TTBK2: variants seen among roughly 807,000 people sequenced by gnomAD.
TTBK2 encodes tau tubulin kinase 2, also known as tau-tubulin kinase 2.
Under a neutral mutation model 110.8 loss-of-function variants are expected in TTBK2, and 28 were observed. That is an observed-to-expected ratio of 0.25 (90% confidence interval 0.19 to 0.35). The LOEUF (loss-of-function observed/expected upper bound fraction) is 0.35, where lower values mean the gene tolerates loss of function less well. TTBK2 is among the 10% of genes least tolerant of loss of function. TTBK2 has a pLI of 1.00. For missense variants in TTBK2, 1,369 were observed against 1,500.3 expected, an observed-to-expected ratio of 0.91 and a Z score of 1.45; for synonymous variants, 532 against 527.3, an observed-to-expected ratio of 1.01 and a Z score of -0.12.
rs115840160 is a variant in TTBK2 at position 42,858,757 on chromosome 15, C to T, written c.217+13854G>A. ...GGGAACCAGTGCCAGAGTAGAAAAA[C>T]CTGAATTGCAACTGACAGATTGCTG... On this transcript the variant is annotated intron_variant, in intron 3 of 14. Transcript: ENST00000267890. Among the ~76,000 whole-genome samples, 765 of 152,176 alleles carry T rather than the reference C, an allele frequency of 5.0e-3. 9 individuals carry two copies. The highest frequency in any genetic ancestry group is 0.018 in the African/African-American group (738 of 41,510).
At chr15:42,796,336 A>G (rs1040213492) in intron 9 of TTBK2, among the ~76,000 whole-genome samples, 1 of 152,008 alleles carries the variant, frequency 6.6e-6, no homozygotes, top group African/African-American at 2.4e-5. Flanking sequence ...CCTGGCAGAG[A>G]CTGCAGTGAG....
At chr15:42,812,684 T>C (rs925819377) in intron 7 of TTBK2, among the ~76,000 whole-genome samples, 6 of 151,976 alleles carry the variant, frequency 3.9e-5, no homozygotes, top group African/African-American at 1.5e-4. Context: ...ATTTCAGAAA[T>C]AGAATTATAG....
chr15:42,845,317 GT>G (rs1358685327), intron 3 of TTBK2, among the ~76,000 whole-genome samples: 1 of 152,082 alleles, frequency 6.6e-6, no homozygotes, highest in African/African-American at 2.4e-5. Context: ...TGGAGGACTG[GT>G]TCCAAGACCT....
chr15:42,818,003 T>C (rs954445165), intron 6 of TTBK2, among the ~76,000 whole-genome samples: 1 of 152,210 alleles, frequency 6.6e-6, no homozygotes, highest in Non-Finnish European at 1.5e-5. Context: ...GCTTTCTTTC[T>C]TTCTTATAAC....
rs760564082 is a variant in TTBK2 at position 42,775,143 on chromosome 15, G to A, written c.1990C>T (p.Leu664Phe). Residue 664 changes from leucine to phenylalanine, a missense_variant, in exon 13 of 15, where the codon CTT becomes TTT. Physicochemically the swap from Leu to Phe is conservative, Grantham distance 22. Transcript: ENST00000267890. ...AAAAACAAATTTCTTACCGCTGTAAGGGGTCCTTCTGCCTGCGCCTCCATT... is the reference window on the plus strand; with the variant it reads ...AAAAACAAATTTCTTACCGCTGTAAAGGGTCCTTCTGCCTGCGCCTCCATT... ...SLMEAQAEGPLTAITIPRPSV... is the reference protein window; with the variant it reads ...SLMEAQAEGPFTAITIPRPSV... 2.5e-6 allele frequency: 4 copies of A among 1,613,478 alleles called. No homozygotes were observed. Among genetic ancestry groups the A allele is most frequent in the African/African-American group, 1.3e-5 (1 of 75,012 alleles).
chr15:42,836,548 T>C (rs1214038873), intron 4 of TTBK2, among the ~76,000 whole-genome samples: 1 of 152,124 alleles, frequency 6.6e-6, no homozygotes, highest in Non-Finnish European at 1.5e-5. Context: ...GCAATTCAAA[T>C]GGAAAAGTTC....
At chr15:42,791,717 C>A (rs1467722549) in intron 10 of TTBK2, among the ~76,000 whole-genome samples, 1 of 152,230 alleles carries the variant, frequency 6.6e-6, no homozygotes, top group Non-Finnish European at 1.5e-5. Flanking sequence ...TGTTTAATCT[C>A]ACTCAGTCCT....
At chr15:42,876,534 T>C (rs1316884864) in intron 2 of TTBK2, among the ~76,000 whole-genome samples, 1 of 152,212 alleles carries the variant, frequency 6.6e-6, no homozygotes, top group African/African-American at 2.4e-5. Flanking sequence ...TTTGGTCAAG[T>C]AAATTTTCAA....
intron 13 of TTBK2, among the ~76,000 whole-genome samples, chr15:42,765,874 GCCA>G (rs1356237158): frequency 1.8e-4 from 27 of 152,066 alleles, no homozygotes; most frequent in Non-Finnish European, 4.4e-5. Flanking sequence ...GAGAGAAAGG[GCCA>G]GGTTACCCAC....
At chr15:42,907,920 A>T (rs888511505) in intron 1 of TTBK2, among the ~76,000 whole-genome samples, 4 of 142,780 alleles carry the variant, frequency 2.8e-5, no homozygotes, top group East Asian at 2.0e-4. Flanking sequence ...AAAAAAAAAA[A>T]ATAATAATAA....
chr15:42,822,806 T>C (rs1892359984), intron 6 of TTBK2, among the ~76,000 whole-genome samples: 1 of 152,080 alleles, frequency 6.6e-6, no homozygotes, highest in Non-Finnish European at 1.5e-5. Flanking sequence ...GACAGAGAGA[T>C]GAGTGAGGAA....
chr15:42,842,872 T>C (rs764491295), intron 3 of TTBK2, among the ~76,000 whole-genome samples: 1 of 152,226 alleles, frequency 6.6e-6, no homozygotes, highest in Non-Finnish European at 1.5e-5. Flanking sequence ...ATGTACACAG[T>C]ACATGTTGAT....
At chr15:42,772,140 T>C (rs1889705908) in intron 13 of TTBK2, among the ~76,000 whole-genome samples, 1 of 152,066 alleles carries the variant, frequency 6.6e-6, no homozygotes, top group Non-Finnish European at 1.5e-5. Context: ...ACTAATAGAA[T>C]ATGGCAGAAG....
chr15:42,904,701 C>G (rs1343976702), intron 1 of TTBK2, among the ~76,000 whole-genome samples: 1 of 152,046 alleles, frequency 6.6e-6, no homozygotes, highest in Non-Finnish European at 1.5e-5. Context: ...AAATAGCCAA[C>G]AAATTAATAA....
chr15:42,886,313 G>A lies in TTBK2; in HGVS notation c.-67-7629C>T, dbSNP rs115499565. On this transcript the variant is annotated intron_variant, in intron 1 of 14. Coordinates refer to ENST00000267890, the MANE Select transcript of TTBK2 (RefSeq NM_173500.4). Reference sequence around the variant, plus strand: ...AGTCTGGCTTATGGTTTTGTTCTGCGACTAGCCCTCTCCCACCTGCCCAAC... The same window carrying A: ...AGTCTGGCTTATGGTTTTGTTCTGCAACTAGCCCTCTCCCACCTGCCCAAC... Among the ~76,000 whole-genome samples, 694 of 151,832 alleles carry A rather than the reference G, an allele frequency of 4.6e-3. 8 individuals carry two copies. The highest frequency in any genetic ancestry group is 0.016 in the African/African-American group (663 of 41,396).
intron 4 of TTBK2, 26 bp downstream of exon 4, chr15:42,840,334 A>G: frequency 6.3e-7 from 1 of 1,596,228 alleles, no homozygotes; most frequent in Non-Finnish European, 8.6e-7. Context: ...TGAAGAATTT[A>G]AAGATACGTT....
intron 4 of TTBK2, among the ~76,000 whole-genome samples, chr15:42,832,077 T>C (rs1374069729): frequency 1.3e-5 from 2 of 152,190 alleles, no homozygotes; most frequent in African/African-American, 4.8e-5. Context: ...TATAAATTAA[T>C]TGGGATTTAC....
chr15:42,829,117 G>A lies in TTBK2; in HGVS notation c.432+821C>T, dbSNP rs189991464. On this transcript the variant is annotated intron_variant, in intron 5 of 14. Transcript: ENST00000267890. ...CATGTAAGCTAATTTTAGAAGTCAT[G>A]TAACAACTGACGGTTATACTTTTCA... 8.5e-5 allele frequency among the ~76,000 whole-genome samples: 13 copies of A among 152,288 alleles called. No homozygotes were observed. The East Asian group carries it at 2.3e-3, about 27-fold the overall frequency.
chr15:42,919,591 G>T (rs2031261947), intron 1 of TTBK2, among the ~76,000 whole-genome samples: 1 of 152,146 alleles, frequency 6.6e-6, no homozygotes, highest in South Asian at 2.1e-4. Context: ...AATTTCTACT[G>T]AATTACAAAA....
Sources: allele counts gnomAD v4.1 joint callset (sites outside exome capture counted in the v4.1 genomes callset), GRCh38; gene constraint gnomAD v4.1.1; transcripts MANE v1.5; gene names NCBI Gene and HGNC (gene_info 2026-07-23, HGNC 2026-07-21).